Variants in TMEM52B observed in about 807,000 individuals in gnomAD.
TMEM52B encodes chromosome 12 open reading frame 59.
A neutral mutation model predicts 16.1 loss-of-function variants in TMEM52B; 11 were observed. The ratio of observed to expected loss-of-function variants is 0.68; its 90% confidence interval spans 0.43 to 1.13. TMEM52B has a LOEUF of 1.13. Ranked by LOEUF, TMEM52B falls within the 50% of genes most tolerant of loss-of-function variation. The pLI, the probability that TMEM52B is intolerant of heterozygous loss-of-function variation, is 0.00. For synonymous variants in TMEM52B, 101 were observed against 93.8 expected, an observed-to-expected ratio of 1.08 and a Z score of -0.45; for missense variants, 243 against 230.4, an observed-to-expected ratio of 1.05 and a Z score of -0.35.
At chr12:10,180,893 C>T (rs1004772803) in intron 1 of TMEM52B, among the ~76,000 whole-genome samples, 1 of 152,176 alleles carries the variant, frequency 6.6e-6, no homozygotes, top group African/African-American at 2.4e-5. Flanking sequence ...GCAACCTCCG[C>T]CTCCTGGGTT....
intron 1 of TMEM52B, among the ~76,000 whole-genome samples, chr12:10,180,459 T>C (rs1386302026): frequency 1.3e-5 from 2 of 152,206 alleles, no homozygotes; most frequent in Non-Finnish European, 2.9e-5. Flanking sequence ...TAGGCTTCTC[T>C]TACCTTTAGT....
At chr12:10,186,264 A>G (rs916431658) in intron 3 of TMEM52B, 156 bp from the exon 4 acceptor site, 1 of 433,976 alleles carries the variant, frequency 2.3e-6, no homozygotes, top group Non-Finnish European at 3.4e-6. Flanking sequence ...CTATAAAGCA[A>G]AAGCCTTGAA....
chr12:10,187,658 C>G lies in TMEM52B; in HGVS notation c.307+1069C>G, dbSNP rs564398781. ...ATGTTGGCCAGGCTGGTCTCAAACT[C>G]CTGACCTCATGATTCACCTGCCTCT... On this transcript the variant is annotated intron_variant, in intron 4 of 4. Coordinates refer to ENST00000543484, the MANE Select transcript of TMEM52B (RefSeq NM_001384896.1). 8.5e-5 allele frequency among the ~76,000 whole-genome samples: 13 copies of G among 152,072 alleles called. 1 individual carries two copies. Among genetic ancestry groups the G allele is most frequent in the Non-Finnish European group, 1.6e-4 (11 of 68,000 alleles).
At chr12:10,177,284 C>T (rs1432744195), upstream of TMEM52B, among the ~76,000 whole-genome samples, 1 of 152,126 alleles carries the variant, frequency 6.6e-6, no homozygotes, top group Non-Finnish European at 1.5e-5. Flanking sequence ...GTGCTCATTT[C>T]GTCTTGAAAC....
chr12:10,177,816 T>A (rs973555766), upstream of TMEM52B, among the ~76,000 whole-genome samples: 3 of 26,306 alleles, frequency 1.1e-4, no homozygotes, highest in East Asian at 3.1e-4. Context: ...TAATAATAAT[T>A]TTTTTATTAA....
At chr12:10,171,454 C>G (rs1292715050) in intron 1 of TMEM52B, among the ~76,000 whole-genome samples, 1 of 152,188 alleles carries the variant, frequency 6.6e-6, no homozygotes, top group Non-Finnish European at 1.5e-5. Context: ...GTAACTTATG[C>G]TAAACTATAC....
At position 10,190,290 on chromosome 12, in the gene TMEM52B, GC is replaced by G. The variant is rs1948943650; in HGVS notation, c.*152del. On this transcript the variant is annotated 3_prime_UTR_variant, in exon 5 of 5. Coordinates refer to ENST00000543484, the MANE Select transcript of TMEM52B (RefSeq NM_001384896.1). ...GATGGTTCTTACTCTTCGTTCACAGGCCTTTATATCTTCCGATACAGAATGC... is the reference window on the plus strand; with the variant it reads ...GATGGTTCTTACTCTTCGTTCACAGGCTTTATATCTTCCGATACAGAATGC... The G allele has an allele frequency of 9.6e-7, 1 of 1,045,370 alleles. No individual in the cohort carries two copies. The highest frequency in any genetic ancestry group is 2.5e-5 in the East Asian group (1 of 39,516). 64.8% of individuals were successfully genotyped at this position (1,045,370 alleles called of 1,614,324 possible).
chr12:10,189,457 C>T (rs1948929615), intron 4 of TMEM52B, among the ~76,000 whole-genome samples: 2 of 149,886 alleles, frequency 1.3e-5, no homozygotes, highest in South Asian at 2.2e-4. Flanking sequence ...AACCCTGTCT[C>T]TACTAAAAAT....
At chr12:10,185,131 T>A (rs1013592376) in intron 2 of TMEM52B, among the ~76,000 whole-genome samples, 199 bp from the exon 3 acceptor site, 3 of 152,230 alleles carry the variant, frequency 2.0e-5, no homozygotes, top group African/African-American at 4.8e-5. Context: ...GACAATGCCA[T>A]CTATAGTATA....
chr12:10,178,087 G>A (rs151012456), upstream of TMEM52B, among the ~76,000 whole-genome samples: 1 of 151,354 alleles, frequency 6.6e-6, no homozygotes, highest in Non-Finnish European at 1.5e-5. Flanking sequence ...GTAGAGAAAG[G>A]GTTTCATCAT....
chr12:10,172,074 T>C, intron 1 of TMEM52B: 1 of 1,612,998 alleles, frequency 6.2e-7, no homozygotes, highest in Admixed American at 1.7e-5. Context: ...TCATCAAAAG[T>C]CATTTCCAAA....
intron 1 of TMEM52B, 90 bp downstream of exon 1, chr12:10,179,718 G>T: frequency 6.6e-7 from 1 of 1,504,996 alleles, no homozygotes; most frequent in Non-Finnish European, 9.2e-7. Flanking sequence ...ACTGCGGGGT[G>T]GGGAGACATA....
intron 2 of TMEM52B, among the ~76,000 whole-genome samples, chr12:10,183,703 T>C (rs1489400063): frequency 6.6e-6 from 1 of 152,196 alleles, no homozygotes; most frequent in East Asian, 1.9e-4. Context: ...ATTGCCATAG[T>C]GAACTCAGAA....
upstream of TMEM52B, among the ~76,000 whole-genome samples, chr12:10,178,714 C>T (rs552987250): frequency 1.3e-4 from 20 of 152,016 alleles, no homozygotes; most frequent in African/African-American, 4.6e-4. Flanking sequence ...GAAACCTATA[C>T]ATTTGCTTTT....
At chr12:10,188,531 AGGAAG>A (rs1185100393) in intron 4 of TMEM52B, among the ~76,000 whole-genome samples, 18 of 138,384 alleles carry the variant, frequency 1.3e-4, no homozygotes, top group Admixed American at 3.7e-4. Context: ...GAAGGAAGGA[AGGAAG>A]GAAAAGAAGA....
intron 1 of TMEM52B, among the ~76,000 whole-genome samples, chr12:10,173,306 A>G (rs1245894487): frequency 8.3e-6 from 1 of 120,390 alleles, no homozygotes; most frequent in African/African-American, 2.8e-5. Flanking sequence ...TTACTCCAGG[A>G]AAAAAAAGTG....
At chr12:10,172,822 C>T (rs1948734636) in intron 1 of TMEM52B, among the ~76,000 whole-genome samples, 1 of 152,036 alleles carries the variant, frequency 6.6e-6, no homozygotes, top group Admixed American at 6.6e-5. Flanking sequence ...TACCTGATAA[C>T]ATTGTTATAG....
At chr12:10,172,182 A>G in intron 1 of TMEM52B, 1 of 741,076 alleles carries the variant, frequency 1.3e-6, no homozygotes, top group South Asian at 1.6e-5. Context: ...CTGTTATCTA[A>G]TAGAAGAATG....
At chr12:10,171,437 A>G (rs1948715833) in intron 1 of TMEM52B, among the ~76,000 whole-genome samples, 1 of 152,246 alleles carries the variant, frequency 6.6e-6, no homozygotes. Flanking sequence ...GTAGTACACA[A>G]CAAAATGTAA....
Sources: gnomAD v4.1 joint callset for allele counts (sites outside exome capture counted in the v4.1 genomes callset) on GRCh38, gnomAD v4.1.1 for gene constraint, MANE v1.5 for transcripts, NCBI Gene and HGNC (gene_info 2026-07-23, HGNC 2026-07-21) for gene names.